FRMD5: variants seen among roughly 807,000 people sequenced by gnomAD.
FRMD5 encodes FERM domain-containing protein 5.
Under a neutral mutation model 69.0 loss-of-function variants are expected in FRMD5, and 20 were observed. The ratio of observed to expected loss-of-function variants is 0.29; its 90% CI spans 0.20 to 0.42. The LOEUF (loss-of-function observed/expected upper bound fraction) is 0.42, where lower values mean the gene tolerates loss of function less well. Ranked by LOEUF, FRMD5 falls within the 10% of genes least tolerant of loss-of-function variation. The pLI is 1.00. For synonymous variants in FRMD5, 271 were observed against 260.1 expected, an observed-to-expected ratio of 1.04 and a Z score of -0.40; for missense variants, 595 against 708.6, an observed-to-expected ratio of 0.84 and a Z score of 1.82.
chr15:44,032,777 T>C (rs150927796), intron 1 of FRMD5, among the ~76,000 whole-genome samples: 10 of 152,252 alleles, frequency 6.6e-5, no homozygotes, highest in Non-Finnish European at 1.5e-4. Flanking sequence ...GTTCAACCAT[T>C]GTGGAAAGCA....
At chr15:43,894,006 A>G (rs1439342110) in intron 7 of FRMD5, among the ~76,000 whole-genome samples, 2 of 152,248 alleles carry the variant, frequency 1.3e-5, no homozygotes, top group Non-Finnish European at 2.9e-5. Flanking sequence ...TGATCCAGAC[A>G]CTTGGCTACA....
intron 1 of FRMD5, among the ~76,000 whole-genome samples, chr15:44,166,503 C>T (rs904126141): frequency 6.6e-6 from 1 of 151,770 alleles, no homozygotes; most frequent in Non-Finnish European, 1.5e-5. Flanking sequence ...TTCTCATGTA[C>T]GCCAGGTGCG....
chr15:43,946,374 T>TA (rs1436728786), intron 1 of FRMD5, among the ~76,000 whole-genome samples: 2 of 152,318 alleles, frequency 1.3e-5, no homozygotes, highest in African/African-American at 4.8e-5. Flanking sequence ...CACGAGGAAA[T>TA]AACATAGGCT....
At chr15:43,894,157 CACAA>C (rs1411986547) in intron 7 of FRMD5, among the ~76,000 whole-genome samples, 4 of 152,160 alleles carry the variant, frequency 2.6e-5, no homozygotes, top group Admixed American at 2.6e-4. Context: ...AGGCACTACA[CACAA>C]ACACTGTTCC....
chr15:44,046,951 C>T (rs1453067639), intron 1 of FRMD5, among the ~76,000 whole-genome samples: 1 of 152,138 alleles, frequency 6.6e-6, no homozygotes, highest in African/African-American at 2.4e-5. Flanking sequence ...AGAGGTCTAG[C>T]ATGCCAGTAT....
intron 1 of FRMD5, among the ~76,000 whole-genome samples, chr15:43,999,953 CATATATATATATATATATATAT>C (rs34872140): frequency 1.2e-5 from 1 of 82,896 alleles, no homozygotes; most frequent in Non-Finnish European, 2.1e-5. Flanking sequence ...ATATGCCATG[CATATATATATATATATATATAT>C]ATATATATAT....
Position 44,019,129 on chromosome 15 carries a change from G to A in FRMD5, c.103-94820C>T, listed in dbSNP as rs1047259664. ...AGACTGGTCTTGAACTCCTGACCTC[G>A]GTGATCCACCCACTTCGGCCTCCAA... On this transcript the variant is annotated intron_variant, in intron 1 of 13. Coordinates refer to ENST00000417257, the MANE Select transcript of FRMD5 (RefSeq NM_032892.5). 4.8e-4 allele frequency among the ~76,000 whole-genome samples: 73 copies of A among 151,992 alleles called. 1 individual carries two copies. Among genetic ancestry groups the A allele is most frequent in the African/African-American group, 1.6e-3 (67 of 41,396 alleles).
At chr15:43,957,423 C>T (rs2090132417) in intron 1 of FRMD5, among the ~76,000 whole-genome samples, 1 of 152,206 alleles carries the variant, frequency 6.6e-6, no homozygotes, top group Non-Finnish European at 1.5e-5. Context: ...TATCAAACTC[C>T]TGACCTCAAG....
intron 1 of FRMD5, among the ~76,000 whole-genome samples, chr15:43,973,183 T>G (rs62023687): frequency 6.6e-6 from 1 of 150,924 alleles, no homozygotes; most frequent in Non-Finnish European, 1.5e-5. Context: ...CCACCACGCC[T>G]GGCTAATTTT....
chr15:43,965,404 T>G (rs546003081), intron 1 of FRMD5, among the ~76,000 whole-genome samples: 5 of 152,208 alleles, frequency 3.3e-5, no homozygotes, highest in Middle Eastern at 3.4e-3. Flanking sequence ...TTCTAGTTTA[T>G]GATTGAAGAA....
Position 43,876,119 on chromosome 15 carries a change from GTGTC to G in FRMD5, c.1136-1661_1136-1658del. 2.7e-6 allele frequency: 4 copies of G among 1,492,522 alleles called. No individual in the cohort carries two copies. The South Asian group carries it at 3.4e-5, about 13-fold the overall frequency. The allele number at this position is 1,492,522 out of a possible 1,614,324, so 92.5% of individuals were successfully genotyped here. On this transcript the variant is annotated intron_variant, in intron 13 of 13. Coordinates refer to ENST00000417257, the MANE Select transcript of FRMD5 (RefSeq NM_032892.5). ...TTTTGCCATGTTTTTCCCATAGAATGTGTCTGACCTTTACTGCATTGCCACCACC... is the reference window on the plus strand; with the variant it reads ...TTTTGCCATGTTTTTCCCATAGAATGTGACCTTTACTGCATTGCCACCACC...
chr15:43,951,689 C>T (rs935497552), intron 1 of FRMD5, among the ~76,000 whole-genome samples: 1 of 152,088 alleles, frequency 6.6e-6, no homozygotes, highest in Admixed American at 6.6e-5. Context: ...TCCTTTAATG[C>T]TTTTGAGCCT....
At chr15:44,058,376 C>T (rs1460606646) in intron 1 of FRMD5, among the ~76,000 whole-genome samples, 1 of 152,086 alleles carries the variant, frequency 6.6e-6, no homozygotes, top group African/African-American at 2.4e-5. Flanking sequence ...TGCTAAGGGG[C>T]ATGAGGTTTC....
At chr15:44,090,422 T>C (rs764524687) in intron 1 of FRMD5, among the ~76,000 whole-genome samples, 1 of 151,866 alleles carries the variant, frequency 6.6e-6, no homozygotes, top group Non-Finnish European at 1.5e-5. Flanking sequence ...CTGTCTAAAT[T>C]ACCAAAGAGA....
At position 43,927,822 on chromosome 15, in the gene FRMD5, A is replaced by C. The variant is rs2089611314; in HGVS notation, c.103-3513T>G. On this transcript the variant is annotated intron_variant, in intron 1 of 13. Transcript: ENST00000417257. ...GCTGAAGAAGTTTGCTTCCATACAT[A>C]CAACAACCAGATTAGCAATGGGACA... Among the ~76,000 whole-genome samples the C allele has an allele frequency of 3.3e-5, 5 of 152,084 alleles. No individual in the cohort carries two copies. In the South Asian group the frequency reaches 1.0e-3, roughly 32 times the overall value.
At chr15:44,183,251 G>GT (rs918390730) in intron 1 of FRMD5, among the ~76,000 whole-genome samples, 1 of 123,100 alleles carries the variant, frequency 8.1e-6, no homozygotes, top group African/African-American at 5.1e-5. Flanking sequence ...ATGCTGGAAA[G>GT]GGGGGTAGCA....
chr15:43,908,966 GAC>G (rs1049363470), intron 5 of FRMD5, among the ~76,000 whole-genome samples: 8 of 152,170 alleles, frequency 5.3e-5, no homozygotes, highest in African/African-American at 1.4e-4. Context: ...GAGTCTCAGG[GAC>G]TTTATCAACC....
intron 1 of FRMD5, among the ~76,000 whole-genome samples, chr15:44,019,285 T>A (rs545705314): frequency 6.6e-5 from 10 of 152,168 alleles, no homozygotes; most frequent in Non-Finnish European, 1.0e-4. Context: ...GTTTATATTT[T>A]TATTAGCACA....
intron 1 of FRMD5, among the ~76,000 whole-genome samples, chr15:44,100,358 A>C (rs941727963): frequency 6.6e-6 from 1 of 151,690 alleles, no homozygotes; most frequent in Non-Finnish European, 1.5e-5. Flanking sequence ...TGCCAGGCCA[A>C]CTAATAGCTT....
Sources: gnomAD v4.1 joint callset for allele counts (sites outside exome capture counted in the v4.1 genomes callset) on GRCh38, gnomAD v4.1.1 for gene constraint, MANE v1.5 for transcripts, NCBI Gene and HGNC (gene_info 2026-07-23, HGNC 2026-07-21) for gene names.